ARHGEF6: variants seen among roughly 807,000 people sequenced by gnomAD.
ARHGEF6 encodes Rac/Cdc42 guanine nucleotide exchange factor 6.
Under a neutral mutation model 70.3 loss-of-function variants are expected in ARHGEF6, and 9 were observed. The ratio of observed to expected loss-of-function variants is 0.13; its 90% confidence interval spans 0.08 to 0.22. The LOEUF (loss-of-function observed/expected upper bound fraction) is 0.22. Among genes scored for constraint, ARHGEF6 ranks in the 10% least tolerant of loss-of-function variants. The pLI is 1.00. For synonymous variants in ARHGEF6, 201 were observed against 207.8 expected (o/e 0.97, Z 0.28); for missense variants, 470 against 563.0 (o/e 0.83, Z 1.67).
At chrX:136,760,903 T>C (rs748323123) in intron 2 of ARHGEF6, among the ~76,000 whole-genome samples, 1 of 112,617 alleles carries the variant, frequency 8.9e-6, no homozygotes, top group Non-Finnish European at 1.9e-5. Flanking sequence ...AAAATTAAAC[T>C]AGTTCATCCA....
At chrX:136,776,394 A>G (rs188721198) in intron 2 of ARHGEF6, among the ~76,000 whole-genome samples, 1 of 112,057 alleles carries the variant, frequency 8.9e-6, no homozygotes, top group Non-Finnish European at 1.9e-5. Flanking sequence ...CCCAATACTT[A>G]CAGCCAACTG....
intron 9 of ARHGEF6, among the ~76,000 whole-genome samples, chrX:136,697,877 A>C (rs1280079353): frequency 8.9e-6 from 1 of 112,748 alleles, no homozygotes; most frequent in East Asian, 2.8e-4. Context: ...TGTGTAACTT[A>C]CACAAATAAG....
intron 6 of ARHGEF6, among the ~76,000 whole-genome samples, chrX:136,714,417 AT>A (rs2076716882): frequency 8.9e-6 from 1 of 112,262 alleles, no homozygotes; most frequent in Non-Finnish European, 1.9e-5. Flanking sequence ...AAAAACCTTC[AT>A]TTAAGCTCTT....
At position 136,780,762 on chromosome X, in the gene ARHGEF6, G is replaced by A; in HGVS notation, c.121C>T (p.Leu41=). The A allele has an allele frequency of 1.7e-6, 2 of 1,209,145 alleles. No individual in the cohort carries two copies. Among genetic ancestry groups the A allele is most frequent in the South Asian group, 1.8e-5 (1 of 56,788 alleles). Residue 41 remains leucine (L), a synonymous_variant, in exon 1 of 22, where the codon CTG becomes TTG. Transcript: ENST00000250617. ...LKSSLKNGVV[L]CKLINRLMPG... ...ATGAGTCTGTTGATCAGTTTGCACA[G>A]AACTACCCCATTTTTCAGCGAGGAC...
In ARHGEF6 at chrX:136,681,944, C is replaced by A; in HGVS notation, c.1504G>T (p.Val502Leu). 8.3e-7 allele frequency: 1 copy of A among 1,206,056 alleles called. No individual in the cohort carries two copies. Among genetic ancestry groups the A allele is most frequent in the Non-Finnish European group, 1.1e-6 (1 of 890,378 alleles). ...YQGKIPIAGT[V>L]VTRLDEIEGN... ...TCAATTTCATCTAATCTAGTCACCA[C>A]CGTTCCTGCTATTGGTATTTTTCCC... Residue 502 changes from valine to leucine, a missense_variant, in exon 14 of 22, where the codon GTG (valine) becomes TTG (leucine). Val to Leu is a conservative substitution (Grantham distance 32). Transcript: ENST00000250617.
intron 21 of ARHGEF6, among the ~76,000 whole-genome samples, chrX:136,668,542 A>C (rs188717836): frequency 0.02 from 1,913 of 97,625 alleles, 33 homozygotes; most frequent in African/African-American, 0.053. Context: ...TCTTATTATT[A>C]TTATTATTAT....
chrX:136,684,419 C>G (rs1201322254), intron 12 of ARHGEF6, among the ~76,000 whole-genome samples: 2 of 112,016 alleles, frequency 1.8e-5, no homozygotes, highest in African/African-American at 3.3e-5. Flanking sequence ...CCGCCAAAGA[C>G]GTGTCAGAGA....
At position 136,685,680 on chromosome X, in the gene ARHGEF6, A is replaced by G; in HGVS notation, c.1389T>C (p.Cys463=). The change falls in exon 12 of 22, where the codon TGT becomes TGC. Residue 463 remains cysteine (C), a synonymous_variant. Coordinates refer to ENST00000250617, the MANE Select transcript of ARHGEF6 (RefSeq NM_004840.3). ...MSQVMVQYGA[C]EEKEERYLML... The stretch of plus-strand genomic sequence containing the variant: ...GTTGAGATTTGAAATACCTTACCTC[A>G]CATGCTCCATACTGCACCATTACTT... 1 of 1,209,268 alleles carries G rather than the reference A, an allele frequency of 8.3e-7. No individual in the cohort carries two copies. The highest frequency in any genetic ancestry group is 1.1e-6 in the Non-Finnish European group (1 of 894,090).
chrX:136,773,257 C>T (rs758511735), intron 2 of ARHGEF6, among the ~76,000 whole-genome samples: 1 of 112,489 alleles, frequency 8.9e-6, no homozygotes, highest in South Asian at 3.7e-4. Flanking sequence ...TCAAGCCCTG[C>T]TCTTCTTGCT....
intron 20 of ARHGEF6, 57 bp from the exon 21 acceptor site, chrX:136,669,593 A>ACAG: frequency 1.0e-6 from 1 of 960,972 alleles, no homozygotes; most frequent in Non-Finnish European, 1.5e-6. Flanking sequence ...TACTGTTAAA[A>ACAG]TACTTAACAA....
rs187278160 is a variant in ARHGEF6 at position 136,730,961 on chromosome X, C to A, written c.732+1141G>T. On this transcript the variant is annotated intron_variant, in intron 6 of 21. Coordinates refer to ENST00000250617, the MANE Select transcript of ARHGEF6 (RefSeq NM_004840.3). ...GAAGCAGCTATGGTAATATTTTCAT[C>A]CACCATTCCACTACAACCTTTCTTT... is the stretch of plus-strand genomic sequence containing the variant. Among the ~76,000 whole-genome samples, 30 of 111,318 alleles carry A rather than the reference C, an allele frequency of 2.7e-4. No individual in the cohort carries two copies. The East Asian group carries it at 7.1e-3, about 26-fold the overall frequency.
intron 2 of ARHGEF6, among the ~76,000 whole-genome samples, chrX:136,756,049 G>A (rs2077202783): frequency 1.8e-5 from 2 of 111,287 alleles, no homozygotes; most frequent in Admixed American, 1.9e-4. Context: ...GCACTCAATA[G>A]ATATTTGGTT....
At chrX:136,719,781 C>T (rs2076777272) in intron 6 of ARHGEF6, among the ~76,000 whole-genome samples, 1 of 111,461 alleles carries the variant, frequency 9.0e-6, no homozygotes, top group Non-Finnish European at 1.9e-5. Flanking sequence ...AAGATACAAA[C>T]TGTTAGTATC....
At chrX:136,753,664 T>C (rs1026622799) in intron 2 of ARHGEF6, among the ~76,000 whole-genome samples, 1 of 111,673 alleles carries the variant, frequency 9.0e-6, no homozygotes, top group African/African-American at 3.3e-5. Flanking sequence ...AATACTCCCA[T>C]TTTCTGGCCA....
intron 21 of ARHGEF6, among the ~76,000 whole-genome samples, chrX:136,669,150 C>G (rs962629165): frequency 3.6e-5 from 4 of 112,044 alleles, no homozygotes; most frequent in Non-Finnish European, 7.5e-5. Flanking sequence ...GAAAAGCCCA[C>G]AAACCATGAT....
At chrX:136,778,406 T>C (rs977172057) in intron 2 of ARHGEF6, among the ~76,000 whole-genome samples, 1 of 111,958 alleles carries the variant, frequency 8.9e-6, no homozygotes, top group Non-Finnish European at 1.9e-5. Context: ...GGCCCTATGC[T>C]AAGGACTCTA....
intron 2 of ARHGEF6, 92 bp from the exon 3 acceptor site, chrX:136,747,684 G>GA (rs140379962): frequency 0.059 from 6,904 of 116,886 alleles, 201 homozygotes; most frequent in East Asian, 0.093. Context: ...CAGCTCTCCG[G>GA]AAAAAAAAAA....
At chrX:136,776,397 G>A (rs759203228) in intron 2 of ARHGEF6, among the ~76,000 whole-genome samples, 7 of 111,672 alleles carry the variant, frequency 6.3e-5, no homozygotes, top group Non-Finnish European at 1.3e-4. Flanking sequence ...AATACTTACA[G>A]CCAACTGGTC....
At chrX:136,673,085 T>G (rs759969531) in intron 19 of ARHGEF6, among the ~76,000 whole-genome samples, 1 of 112,310 alleles carries the variant, frequency 8.9e-6, no homozygotes, top group Non-Finnish European at 1.9e-5. Context: ...CAATACAAAT[T>G]TAAAACCCAA....
Sources: allele counts gnomAD v4.1 joint callset (sites outside exome capture counted in the v4.1 genomes callset), GRCh38; gene constraint gnomAD v4.1.1; transcripts MANE v1.5; gene names NCBI Gene and HGNC (gene_info 2026-07-23, HGNC 2026-07-21).